The following ADAMTSL3 variants were observed in gnomAD, a reference collection of about 807,000 sequenced individuals.
The protein encoded by ADAMTSL3 is ADAMTS-like protein 3.
ADAMTSL3 carries 128 observed loss-of-function variants against 201.7 expected under a neutral mutation model. The observed-to-expected ratio is 0.63, with a 90% CI of 0.55 to 0.73. The LOEUF is 0.73. ADAMTSL3 is among the 30% of genes least tolerant of loss of function. The probability of loss-of-function intolerance (pLI) is 0.00; values close to 1 mark genes in which losing one functional copy is unlikely to be tolerated. For missense variants in ADAMTSL3, 1,990 were observed against 2,119.6 expected, an observed-to-expected ratio of 0.94 and a Z score of 1.20; for synonymous variants, 738 against 748.4, an observed-to-expected ratio of 0.99 and a Z score of 0.23.
chr15:83,945,837 A>G (rs1473364173), intron 19 of ADAMTSL3: 1 of 152,194 alleles, frequency 6.6e-6, no homozygotes, highest in Non-Finnish European at 1.5e-5. Flanking sequence ...TCTGCATTTC[A>G]ACAAGATCCC....
chr15:83,910,635 C>CTTT (rs3044681), intron 15 of ADAMTSL3, among the ~76,000 whole-genome samples: 1 of 131,146 alleles, frequency 7.6e-6, no homozygotes, highest in Non-Finnish European at 1.6e-5. Flanking sequence ...TTAGGTGAAC[C>CTTT]TTTTTTTTTT....
chr15:83,694,351 G>C (rs1041066392), intron 2 of ADAMTSL3: 3 of 152,208 alleles, frequency 2.0e-5, no homozygotes, highest in Non-Finnish European at 4.4e-5. Flanking sequence ...ACCAGGAGGA[G>C]GGGGAGGCTG....
At chr15:83,758,443 C>T (rs2062754786) in intron 3 of ADAMTSL3, among the ~76,000 whole-genome samples, 1 of 152,206 alleles carries the variant, frequency 6.6e-6, no homozygotes, top group South Asian at 2.1e-4. Context: ...AAATTACCTT[C>T]CACCAGTTCC....
At chr15:83,867,828 C>G (rs1402786202) in intron 8 of ADAMTSL3, among the ~76,000 whole-genome samples, 1 of 152,164 alleles carries the variant, frequency 6.6e-6, no homozygotes. Flanking sequence ...ACTGATACTT[C>G]TCAGTGCAGA....
chr15:83,753,423 C>T (rs543207404), intron 3 of ADAMTSL3, among the ~76,000 whole-genome samples: 2 of 152,288 alleles, frequency 1.3e-5, no homozygotes, highest in Admixed American at 1.3e-4. Context: ...GAGATAGAAA[C>T]AATGCACTGG....
At chr15:83,854,557 T>C (rs565208028) in intron 7 of ADAMTSL3, among the ~76,000 whole-genome samples, 1 of 152,310 alleles carries the variant, frequency 6.6e-6, no homozygotes, top group South Asian at 2.1e-4. Context: ...AGATCCATGT[T>C]TCCCTGTAAG....
At chr15:84,003,396 G>A (rs769413486) in intron 23 of ADAMTSL3, among the ~76,000 whole-genome samples, 1 of 152,176 alleles carries the variant, frequency 6.6e-6, no homozygotes, top group Non-Finnish European at 1.5e-5. Flanking sequence ...CAGGGCAGGA[G>A]CCTCGTATCC....
At chr15:83,779,881 A>C (rs868669403) in intron 4 of ADAMTSL3, among the ~76,000 whole-genome samples, 1 of 152,302 alleles carries the variant, frequency 6.6e-6, no homozygotes, top group South Asian at 2.1e-4. Context: ...TTTGAAACTA[A>C]TGAGAACAAA....
rs1401948043 is a variant in ADAMTSL3, at chr15:83,838,193, G to A, written c.705G>A (p.Lys235=). Residue 235 remains lysine, a synonymous_variant, in exon 7 of 30, where the codon AAG becomes AAA. Coordinates refer to ENST00000286744, the MANE Select transcript of ADAMTSL3 (RefSeq NM_207517.3). ...STCRLVRGQS[K]SHVSPEKREE... Reference sequence around the variant, plus strand: ...GCAGGCTTGTACGGGGACAATCAAAGTCACACGTTTCTCCTGAAAAAAGTA... The same window carrying A: ...GCAGGCTTGTACGGGGACAATCAAAATCACACGTTTCTCCTGAAAAAAGTA... The A allele has an allele frequency of 6.2e-7, 1 of 1,612,814 alleles. No homozygotes were observed. Among genetic ancestry groups the A allele is most frequent in the Non-Finnish European group, 8.5e-7 (1 of 1,179,574 alleles).
intron 4 of ADAMTSL3, among the ~76,000 whole-genome samples, chr15:83,799,845 A>C (rs1046791845): frequency 6.6e-6 from 1 of 152,230 alleles, no homozygotes; most frequent in Non-Finnish European, 1.5e-5. Flanking sequence ...AAAACTTGTA[A>C]GTAATATTTC....
intron 6 of ADAMTSL3, among the ~76,000 whole-genome samples, chr15:83,833,335 C>T (rs1470234876): frequency 6.6e-6 from 1 of 152,152 alleles, no homozygotes; most frequent in East Asian, 1.9e-4. Flanking sequence ...TCCCTGCCTC[C>T]TGGTTCATAG....
At chr15:83,874,685 G>A (rs2065146014) in intron 9 of ADAMTSL3, among the ~76,000 whole-genome samples, 1 of 143,004 alleles carries the variant, frequency 7.0e-6, no homozygotes, top group African/African-American at 2.7e-5. Flanking sequence ...GCCAAGGATT[G>A]GATAGGGGTC....
At chr15:83,757,460 G>A (rs1463847521) in intron 3 of ADAMTSL3, among the ~76,000 whole-genome samples, 2 of 152,198 alleles carry the variant, frequency 1.3e-5, no homozygotes, top group East Asian at 1.9e-4. Context: ...GAGATGCAGG[G>A]CACCAAGTCC....
intron 4 of ADAMTSL3, among the ~76,000 whole-genome samples, chr15:83,789,363 A>G (rs1462073524): frequency 1.3e-5 from 2 of 152,174 alleles, no homozygotes; most frequent in African/African-American, 2.4e-5. Context: ...GAGAGTATGA[A>G]TAGACATTTG....
In ADAMTSL3 at chr15:83,991,190, G is replaced by A. The variant is rs77086705; in HGVS notation, c.3949G>A (p.Val1317Met). 20 of 1,614,064 alleles carry A rather than the reference G, an allele frequency of 1.2e-5. No homozygotes were observed. The highest frequency in any genetic ancestry group is 1.1e-4 in the African/African-American group (8 of 74,910). The change falls in exon 23 of 30, where the codon GTG becomes ATG. Residue 1317 changes from valine to methionine, a missense_variant. By Grantham distance (21) the Val-to-Met change is conservative. Coordinates refer to ENST00000286744, the MANE Select transcript of ADAMTSL3 (RefSeq NM_207517.3). ...CGTGGAGGCAGCCCTTGGAGCAAAC[G>A]TGACAATCCGATGTCCTGTAAAAGG... ...GIVEAALGAN[V>M]TIRCPVKGVP...
intron 6 of ADAMTSL3, among the ~76,000 whole-genome samples, chr15:83,833,549 G>C (rs1054131932): frequency 1.3e-5 from 2 of 152,164 alleles, no homozygotes; most frequent in African/African-American, 4.8e-5. Flanking sequence ...CACATAGCTA[G>C]GAAGTGATAG....
In ADAMTSL3 at chr15:83,864,105, A is replaced by G. The variant is rs1400361454; in HGVS notation, c.802+5265A>G. Among the ~76,000 whole-genome samples the G allele has an allele frequency of 4.6e-5, 7 of 152,234 alleles. 1 individual carries two copies. The highest frequency in any genetic ancestry group is 4.6e-4 in the Admixed American group (7 of 15,286). ...GAATAGACCAATAACAGGCTCTGAAATTGAGGCAATAATTAATAGCCTACC... is the reference window on the plus strand; with the variant it reads ...GAATAGACCAATAACAGGCTCTGAAGTTGAGGCAATAATTAATAGCCTACC... On this transcript the variant is annotated intron_variant, in intron 8 of 29. Coordinates refer to ENST00000286744, the MANE Select transcript of ADAMTSL3 (RefSeq NM_207517.3).
rs771272595 is a variant in ADAMTSL3 at position 84,031,315 on chromosome 15, A to G, written c.4657-20A>G. ...GATGAGCTTGCAGGATTTACACTGC[A>G]CTGTGCTTTTTTGTTCCAGTGTCCT... On this transcript the variant is annotated intron_variant, in intron 27 of 29. Coordinates refer to ENST00000286744, the MANE Select transcript of ADAMTSL3 (RefSeq NM_207517.3). 1.2e-6 allele frequency: 2 copies of G among 1,611,854 alleles called. No individual in the cohort carries two copies. The highest frequency in any genetic ancestry group is 2.2e-5 in the South Asian group (2 of 91,002).
chr15:83,967,767 A>T (rs1440029875), intron 19 of ADAMTSL3, among the ~76,000 whole-genome samples: 1 of 152,202 alleles, frequency 6.6e-6, no homozygotes, highest in Non-Finnish European at 1.5e-5. Context: ...GCATCATGCT[A>T]CCTGACTTCA....
Sources: gnomAD v4.1 joint callset for allele counts (sites outside exome capture counted in the v4.1 genomes callset) on GRCh38, gnomAD v4.1.1 for gene constraint, MANE v1.5 for transcripts, NCBI Gene and HGNC (gene_info 2026-07-23, HGNC 2026-07-21) for gene names.